CCDC7: variants seen among roughly 807,000 people sequenced by gnomAD.
The protein encoded by CCDC7 is coiled-coil domain-containing protein 7.
CCDC7 carries 183 observed loss-of-function variants against 196.9 expected under a neutral mutation model. The observed-to-expected ratio is 0.93, with a 90% CI of 0.82 to 1.05. CCDC7 has a LOEUF of 1.05. CCDC7 is among the 50% of genes least tolerant of loss of function. The probability of loss-of-function intolerance (pLI) is 0.00; values close to 1 mark genes in which losing one functional copy is unlikely to be tolerated. For missense variants in CCDC7, 1,540 were observed against 1,482.2 expected, an observed-to-expected ratio of 1.04 and a Z score of -0.64; for synonymous variants, 525 against 484.6, an observed-to-expected ratio of 1.08 and a Z score of -1.10.
intron 41 of CCDC7, among the ~76,000 whole-genome samples, chr10:32,869,028 T>G (rs1219587507): frequency 6.6e-6 from 1 of 152,170 alleles, no homozygotes; most frequent in African/African-American, 2.4e-5. Flanking sequence ...ACAATAAACA[T>G]ACGCGTGCAT....
intron 11 of CCDC7, among the ~76,000 whole-genome samples, chr10:32,529,806 T>C (rs1415828589): frequency 6.6e-6 from 1 of 152,218 alleles, no homozygotes; most frequent in Non-Finnish European, 1.5e-5. Flanking sequence ...TTTGTTTTTG[T>C]TGCATTTGCT....
At chr10:32,808,921 C>T (rs1435115977) in intron 30 of CCDC7, among the ~76,000 whole-genome samples, 1 of 152,092 alleles carries the variant, frequency 6.6e-6, no homozygotes, top group East Asian at 1.9e-4. Context: ...CATGCCTATA[C>T]CCCAGCACTT....
At chr10:32,456,015 C>G (rs2034259041) in intron 2 of CCDC7, among the ~76,000 whole-genome samples, 1 of 152,040 alleles carries the variant, frequency 6.6e-6, no homozygotes, top group South Asian at 2.1e-4. Context: ...AGAGGAGAGA[C>G]ATGGCTGGGT....
At chr10:32,823,854 C>T (rs1043562878) in intron 31 of CCDC7, among the ~76,000 whole-genome samples, 1 of 152,138 alleles carries the variant, frequency 6.6e-6, no homozygotes, top group African/African-American at 2.4e-5. Context: ...CAAATATTCC[C>T]GTTTTCTTCT....
At chr10:32,593,557 ATC>A (rs1171898449) in intron 18 of CCDC7, among the ~76,000 whole-genome samples, 8 of 152,042 alleles carry the variant, frequency 5.3e-5, no homozygotes, top group Admixed American at 3.9e-4. Flanking sequence ...GTTTAATTAG[ATC>A]CCATTTGTCA....
chr10:32,834,679 TCATCTTC>T, intron 32 of CCDC7, 129 bp from the exon 34 acceptor site: 1 of 360,810 alleles, frequency 2.8e-6, no homozygotes. Context: ...TTTTACTAAT[TCATCTTC>T]TTTAATGACT....
intron 13 of CCDC7, among the ~76,000 whole-genome samples, chr10:32,549,175 A>T (rs2053043008): frequency 6.6e-6 from 1 of 151,966 alleles, no homozygotes; most frequent in African/African-American, 2.4e-5. Flanking sequence ...GATGTTGAGC[A>T]TTTTTTCATA....
intron 28 of CCDC7, among the ~76,000 whole-genome samples, chr10:32,773,997 C>T (rs1429308512): frequency 6.6e-6 from 1 of 152,010 alleles, no homozygotes; most frequent in Non-Finnish European, 1.5e-5. Flanking sequence ...ATGTTGCTGC[C>T]CTGCCATTGT....
At chr10:32,845,917 A>T in exon 36 of CCDC7, 1 of 1,612,458 alleles carries the variant, frequency 6.2e-7, no homozygotes, top group Non-Finnish European at 8.5e-7. Context: ...TGGAAGAGGT[A>T]TAATAATAGG....
intron 15 of CCDC7, among the ~76,000 whole-genome samples, chr10:32,571,006 CTT>C (rs376971167): frequency 2.3e-5 from 3 of 131,380 alleles, no homozygotes; most frequent in Non-Finnish European, 4.7e-5. Flanking sequence ...GGTCACTGGC[CTT>C]TTTTTTTTTT....
chr10:32,650,459 C>T (rs1403990549), intron 20 of CCDC7, among the ~76,000 whole-genome samples: 1 of 152,170 alleles, frequency 6.6e-6, no homozygotes, highest in Non-Finnish European at 1.5e-5. Flanking sequence ...CTTGGGAGAA[C>T]CACTGCCAAC....
At chr10:32,514,779 A>G (rs965191311) in intron 9 of CCDC7, among the ~76,000 whole-genome samples, 1 of 152,244 alleles carries the variant, frequency 6.6e-6, no homozygotes, top group Admixed American at 6.5e-5. Context: ...GAACACCTAC[A>G]GAAATGGATA....
chr10:32,813,248 C>A (rs1373911143), intron 30 of CCDC7, among the ~76,000 whole-genome samples: 1 of 152,122 alleles, frequency 6.6e-6, no homozygotes, highest in African/African-American at 2.4e-5. Context: ...TCCTCATTAT[C>A]CCCTTTTCAA....
intron 41 of CCDC7, among the ~76,000 whole-genome samples, chr10:32,864,900 G>A (rs1029770882): frequency 6.6e-6 from 1 of 151,788 alleles, no homozygotes. Flanking sequence ...CATACAGCAC[G>A]ACTTCCACAG....
intron 23 of CCDC7, among the ~76,000 whole-genome samples, chr10:32,692,318 A>AT (rs1565160312): frequency 6.6e-6 from 1 of 152,182 alleles, no homozygotes; most frequent in Non-Finnish European, 1.5e-5. Context: ...CATCTGCTGG[A>AT]TTTTTCAATT....
chr10:32,668,385 G>A (rs1246931084), intron 21 of CCDC7, among the ~76,000 whole-genome samples: 1 of 152,022 alleles, frequency 6.6e-6, no homozygotes, highest in Admixed American at 6.6e-5. Context: ...TGATTGCCCT[G>A]GCCAGAACTT....
chr10:32,485,865 T>C (rs2040961707), intron 8 of CCDC7, among the ~76,000 whole-genome samples: 1 of 152,196 alleles, frequency 6.6e-6, no homozygotes, highest in South Asian at 2.1e-4. Context: ...TGAGAGACAG[T>C]TTGTTATAAT....
intron 21 of CCDC7, among the ~76,000 whole-genome samples, chr10:32,680,147 G>A (rs2075647396): frequency 6.6e-6 from 1 of 152,174 alleles, no homozygotes; most frequent in Non-Finnish European, 1.5e-5. Context: ...CTTCAGCAAA[G>A]AAGGCAGTTG....
At position 32,796,844 on chromosome 10, in the gene CCDC7, C is replaced by T. The variant is rs185057592; in HGVS notation, c.3014-8171C>T. Among the ~76,000 whole-genome samples, 270 of 152,014 alleles carry T rather than the reference C, an allele frequency of 1.8e-3. 2 individuals are homozygous for T. The highest frequency in any genetic ancestry group is 6.2e-3 in the African/African-American group (256 of 41,460). On this transcript the variant is annotated intron_variant, in intron 29 of 41. Transcript: ENST00000639629. Reference sequence around the variant, plus strand: ...CAAATTTATAAGTCGAAAAGACATCCCAGGACAAATTGGGAATTAATAACA... The same window carrying T: ...CAAATTTATAAGTCGAAAAGACATCTCAGGACAAATTGGGAATTAATAACA...
Sources: gnomAD v4.1 joint callset for allele counts (sites outside exome capture counted in the v4.1 genomes callset) on GRCh38, gnomAD v4.1.1 for gene constraint, MANE v1.5 for transcripts, NCBI Gene and HGNC (gene_info 2026-07-23, HGNC 2026-07-21) for gene names.